HMBOX1: variants seen among roughly 807,000 people sequenced by gnomAD.
HMBOX1 encodes the protein homeobox-containing protein 1.
HMBOX1 carries 14 observed loss-of-function variants against 54.5 expected under a neutral mutation model. That is an observed-to-expected ratio of 0.26 (90% confidence interval 0.17 to 0.40). The LOEUF (loss-of-function observed/expected upper bound fraction) is 0.40. Ranked by LOEUF, HMBOX1 falls within the 10% of genes least tolerant of loss-of-function variation. The pLI, the probability that HMBOX1 is intolerant of heterozygous loss-of-function variation, is 1.00. For missense variants in HMBOX1, 332 were observed against 514.4 expected, an observed-to-expected ratio of 0.65 and a Z score of 3.43; for synonymous variants, 160 against 181.0, an observed-to-expected ratio of 0.88 and a Z score of 0.93.
At position 29,026,139 on chromosome 8, in the gene HMBOX1, G is replaced by A. The variant is rs1051017616; in HGVS notation, c.851+7226G>A. Among the ~76,000 whole-genome samples, 3 of 151,980 alleles carry A rather than the reference G, an allele frequency of 2.0e-5. 1 individual carries two copies. Among genetic ancestry groups the A allele is most frequent in the South Asian group, 4.2e-4 (2 of 4,804 alleles). ...TTCAATGATATGTATATTTCCTAGC[G>A]TGTGTCTTGGTGCATCATTCATATA... On this transcript the variant is annotated intron_variant, in intron 6 of 9. Transcript: ENST00000287701.
chr8:28,974,247 G>A (rs1040536706), intron 3 of HMBOX1, among the ~76,000 whole-genome samples: 1 of 152,014 alleles, frequency 6.6e-6, no homozygotes, highest in African/African-American at 2.4e-5. Flanking sequence ...GGTAAATTAC[G>A]ATATGAATTT....
chr8:29,031,547 G>GAT (rs1802966350), intron 6 of HMBOX1, among the ~76,000 whole-genome samples: 2 of 136,084 alleles, frequency 1.5e-5, no homozygotes. Flanking sequence ...TTTTTTTTCT[G>GAT]ATGACATAGT....
chr8:28,914,298 T>G (rs1173720777), intron 1 of HMBOX1, among the ~76,000 whole-genome samples: 1 of 152,136 alleles, frequency 6.6e-6, no homozygotes, highest in African/African-American at 2.4e-5. Context: ...TAAACCTGCA[T>G]TGTCAAAGAG....
At chr8:29,009,929 C>T (rs7002739) in intron 5 of HMBOX1, 560,658 of 1,097,392 alleles carry the variant, frequency 0.51, 146,841 homozygotes, top group Non-Finnish European at 0.54. Flanking sequence ...GATTGGGTTG[C>T]GTTCTGTAAT....
In HMBOX1 at chr8:29,052,726, G is replaced by C. The variant is rs2133426435; in HGVS notation, c.*1571G>C. The C allele has an allele frequency of 6.6e-6, 1 of 152,284 alleles. No homozygotes were observed. Among genetic ancestry groups the C allele is most frequent in the South Asian group, 2.1e-4 (1 of 4,826 alleles). 9.4% of individuals were successfully genotyped at this position (152,284 alleles called of 1,614,324 possible). ...AATGACACACTGTCACTGTGGGTAAGAGGAAAGAGCCTTCAATGTAGCAGC... is the reference window on the plus strand; with the variant it reads ...AATGACACACTGTCACTGTGGGTAACAGGAAAGAGCCTTCAATGTAGCAGC... On this transcript the variant is annotated 3_prime_UTR_variant, in exon 10 of 10. Transcript: ENST00000287701.
intron 1 of HMBOX1, among the ~76,000 whole-genome samples, chr8:28,962,169 C>T (rs1428896379): frequency 6.6e-6 from 1 of 152,070 alleles, no homozygotes; most frequent in Non-Finnish European, 1.5e-5. Flanking sequence ...AATCTGTCTC[C>T]TCTGCCAGAA....
chr8:28,917,753 ATAT>A (rs1816819857), intron 1 of HMBOX1, among the ~76,000 whole-genome samples: 2 of 152,166 alleles, frequency 1.3e-5, no homozygotes, highest in African/African-American at 4.8e-5. Context: ...CATGAATAAG[ATAT>A]TATATTAACT....
At chr8:28,989,766 G>T (rs1830705586) in intron 4 of HMBOX1, among the ~76,000 whole-genome samples, 1 of 152,170 alleles carries the variant, frequency 6.6e-6, no homozygotes, top group Admixed American at 6.5e-5. Flanking sequence ...TTGGGATTGT[G>T]TTGAATATAT....
At chr8:28,923,787 G>T (rs995181215) in intron 1 of HMBOX1, among the ~76,000 whole-genome samples, 13 of 151,436 alleles carry the variant, frequency 8.6e-5, no homozygotes, top group East Asian at 1.9e-4. Flanking sequence ...TGTATTTTTT[G>T]TTTTTTTTAA....
At chr8:28,904,134 AC>A (rs2131595650) in intron 1 of HMBOX1, among the ~76,000 whole-genome samples, 1 of 151,810 alleles carries the variant, frequency 6.6e-6, no homozygotes, top group African/African-American at 2.4e-5. Flanking sequence ...TCATGCATAA[AC>A]CATACCCATA....
At chr8:28,949,967 C>G (rs1288619599) in intron 1 of HMBOX1, 1 of 152,106 alleles carries the variant, frequency 6.6e-6, no homozygotes, top group Non-Finnish European at 1.5e-5. Context: ...AGGTTAGAGA[C>G]TAGTTTGGGA....
chr8:28,944,315 A>C (rs913397781), intron 1 of HMBOX1, among the ~76,000 whole-genome samples: 1 of 152,228 alleles, frequency 6.6e-6, no homozygotes, highest in Non-Finnish European at 1.5e-5. Flanking sequence ...TTTAGTAACT[A>C]GGAACAGAAA....
At position 29,009,153 on chromosome 8, in the gene HMBOX1, G is replaced by A. The variant is rs752618686; in HGVS notation, c.668G>A (p.Arg223Gln). Residue 223 changes from arginine (R) to glutamine (Q), a missense_variant, in exon 5 of 10, where the codon CGA becomes CAA. Physicochemically the swap from Arg to Gln is conservative, Grantham distance 43. This residue lies in a region of HMBOX1 where 117 missense variants were observed against 220.0 expected (regional missense o/e 0.53). Coordinates refer to ENST00000287701, the MANE Select transcript of HMBOX1 (RefSeq NM_001135726.3). Reference protein sequence around the residue: ...LSEQKKRAFYRWYQLEKTNPG... With the variant: ...LSEQKKRAFYQWYQLEKTNPG... ...GAACAGAAGAAAAGAGCATTTTACC[G>A]ATGGTATCAACTTGAGAAGACAAAC... 1.9e-6 allele frequency: 3 copies of A among 1,613,152 alleles called. No homozygotes were observed. The highest frequency in any genetic ancestry group is 1.1e-5 in the South Asian group (1 of 91,064).
intron 6 of HMBOX1, among the ~76,000 whole-genome samples, chr8:29,039,297 C>CA (rs1259973028): frequency 5.3e-5 from 8 of 152,108 alleles, no homozygotes; most frequent in Non-Finnish European, 1.0e-4. Flanking sequence ...TCAGTATATT[C>CA]AAAATCAAAG....
chr8:28,984,855 G>A (rs959079141), intron 4 of HMBOX1, among the ~76,000 whole-genome samples: 4 of 151,990 alleles, frequency 2.6e-5, no homozygotes, highest in South Asian at 2.1e-4. Flanking sequence ...CTTGATCAGC[G>A]CTTATCAGCC....
chr8:28,964,227 A>G (rs1489085301), intron 2 of HMBOX1, among the ~76,000 whole-genome samples: 1 of 152,156 alleles, frequency 6.6e-6, no homozygotes, highest in Non-Finnish European at 1.5e-5. Context: ...ACAGTTCAAG[A>G]GAGCTAATAT....
chr8:28,967,410 A>G (rs1826611818), intron 2 of HMBOX1, among the ~76,000 whole-genome samples: 1 of 152,230 alleles, frequency 6.6e-6, no homozygotes, highest in Non-Finnish European at 1.5e-5. Flanking sequence ...AGTTTTGACA[A>G]TTCTAATTCA....
intron 1 of HMBOX1, among the ~76,000 whole-genome samples, chr8:28,961,480 T>G (rs1825581149): frequency 6.6e-6 from 1 of 152,242 alleles, no homozygotes; most frequent in Non-Finnish European, 1.5e-5. Context: ...GTGATTGGGT[T>G]GTTTCGCTTA....
At chr8:28,931,920 T>C (rs1159862843) in intron 1 of HMBOX1, among the ~76,000 whole-genome samples, 4 of 152,174 alleles carry the variant, frequency 2.6e-5, no homozygotes, top group Admixed American at 6.5e-5. Flanking sequence ...GATCCTGGGA[T>C]AGAATGGTGA....
Sources: allele counts gnomAD v4.1 joint callset (sites outside exome capture counted in the v4.1 genomes callset), GRCh38; gene constraint gnomAD v4.1.1; regional missense constraint gnomAD v4.1.1; transcripts MANE v1.5; gene names NCBI Gene and HGNC (gene_info 2026-07-23, HGNC 2026-07-21).